Variants in G3BP1 observed in about 807,000 individuals in gnomAD.
G3BP1 encodes the protein G3BP stress granule assembly factor 1, also known as ras GTPase-activating protein-binding protein 1.
A neutral mutation model predicts 58.6 loss-of-function variants in G3BP1; 35 were observed. The ratio of observed to expected loss-of-function variants is 0.60; its 90% CI spans 0.46 to 0.79. The LOEUF (loss-of-function observed/expected upper bound fraction) is 0.79. G3BP1 is among the 30% of genes least tolerant of loss of function. The pLI, the probability that G3BP1 is intolerant of heterozygous loss-of-function variation, is 0.00. For synonymous variants in G3BP1, 191 were observed against 195.4 expected (o/e 0.98, Z 0.19); for missense variants, 523 against 580.8 (o/e 0.90, Z 1.02).
chr5:151,800,683 A>T (rs1020553532), intron 10 of G3BP1, 77 bp from the exon 11 acceptor site: 4 of 847,760 alleles, frequency 4.7e-6, no homozygotes, highest in Non-Finnish European at 8.1e-6. Context: ...TCTAGTGGCT[A>T]CTGTATTGGA....
intron 6 of G3BP1, 38 bp from the exon 7 acceptor site, chr5:151,797,189 G>A: frequency 6.2e-7 from 1 of 1,600,138 alleles, no homozygotes; most frequent in Non-Finnish European, 8.5e-7. Context: ...TGAAATAAAT[G>A]GTGGCAGAAT....
intron 7 of G3BP1, 57 bp downstream of exon 7, chr5:151,797,485 T>C (rs1051898034): frequency 6.6e-7 from 1 of 1,525,420 alleles, no homozygotes; most frequent in Non-Finnish European, 8.9e-7. Flanking sequence ...TAAAAAAAGT[T>C]TCTGTTCTTT....
chr5:151,774,883 G>A (rs191457439), intron 1 of G3BP1, among the ~76,000 whole-genome samples: 5 of 152,214 alleles, frequency 3.3e-5, no homozygotes, highest in African/African-American at 7.2e-5. Context: ...TCACAATGTG[G>A]TGGCACACTA....
chr5:151,787,185 C>G (rs1427467840), intron 2 of G3BP1: 1 of 152,510 alleles, frequency 6.6e-6, no homozygotes, highest in Non-Finnish European at 1.5e-5. Context: ...GAAAGTTAAA[C>G]TAAGTTATCT....
chr5:151,776,089 A>G (rs941893123), intron 1 of G3BP1, among the ~76,000 whole-genome samples: 2 of 152,180 alleles, frequency 1.3e-5, no homozygotes, highest in Non-Finnish European at 2.9e-5. Context: ...AAGATGCCAC[A>G]TTGTATGTAG....
chr5:151,781,696 T>C (rs1364232827), intron 1 of G3BP1, among the ~76,000 whole-genome samples: 1 of 152,226 alleles, frequency 6.6e-6, no homozygotes. Flanking sequence ...GATTTGTCTT[T>C]TAAACAGACA....
Position 151,771,984 on chromosome 5 carries a change from C to G in G3BP1, c.-102C>G, listed in dbSNP as rs772493021. The stretch of plus-strand genomic sequence containing the variant: ...GACGCAGTTGCGTGAGGGGTTTGTA[C>G]TATCCTCGGTGCTGTGGTGCAGAGC... On this transcript the variant is annotated 5_prime_UTR_variant, in exon 1 of 12. Coordinates refer to ENST00000356245, the MANE Select transcript of G3BP1 (RefSeq NM_005754.3). 6.6e-6 allele frequency: 1 copy of G among 152,492 alleles called. No individual in the cohort carries two copies. The highest frequency in any genetic ancestry group is 1.5e-5 in the Non-Finnish European group (1 of 68,258). 9.4% of individuals were successfully genotyped at this position (152,492 alleles called of 1,614,324 possible).
At chr5:151,794,017 C>G (rs1762705413) in intron 4 of G3BP1, 142 bp from the exon 5 acceptor site, 1 of 590,532 alleles carries the variant, frequency 1.7e-6, no homozygotes, top group Admixed American at 2.8e-5. Context: ...TCTCAGAACC[C>G]CACAACAACA....
In G3BP1 at chr5:151,803,877, T is replaced by C. The variant is rs767090499; in HGVS notation, c.1195-8T>C. ...TACTCTTAAGTCTGGTCACCTTGAT[T>C]CTTACAGCCCATCATGTTCAGAGGT... On this transcript the variant is annotated splice_polypyrimidine_tract_variant and splice_region_variant and intron_variant, in intron 11 of 11. Transcript: ENST00000356245. 1.2e-6 allele frequency: 2 copies of C among 1,600,848 alleles called. No individual in the cohort carries two copies. The highest frequency in any genetic ancestry group is 1.7e-6 in the Non-Finnish European group (2 of 1,168,572).
chr5:151,784,541 A>G (rs1453533360), intron 1 of G3BP1, among the ~76,000 whole-genome samples: 3 of 152,178 alleles, frequency 2.0e-5, no homozygotes, highest in Non-Finnish European at 4.4e-5. Flanking sequence ...TTGGGTAAGA[A>G]ATGGTCTCTG....
chr5:151,796,203 A>T (rs1365789889), intron 6 of G3BP1, among the ~76,000 whole-genome samples: 1 of 152,196 alleles, frequency 6.6e-6, no homozygotes, highest in African/African-American at 2.4e-5. Flanking sequence ...GTTGAAAATG[A>T]AGATTCATGG....
chr5:151,795,429 A>G (rs1762733285), intron 5 of G3BP1, 50 bp from the exon 6 acceptor site: 1 of 905,128 alleles, frequency 1.1e-6, no homozygotes, highest in South Asian at 1.4e-5. Flanking sequence ...GTTAATGTAT[A>G]TGTGAATTCA....
Position 151,774,593 on chromosome 5 carries a change from T to C in G3BP1, c.-50+2557T>C, listed in dbSNP as rs555430340. 3.9e-5 allele frequency among the ~76,000 whole-genome samples: 6 copies of C among 152,208 alleles called. No individual in the cohort carries two copies. In the South Asian group the frequency reaches 1.2e-3, roughly 31 times the overall value. ...TAACATTTTGCAAATTGATTTTTTT[T>C]TTAACTTTCAGAATTTAAATAGGCA... On this transcript the variant is annotated intron_variant, in intron 1 of 11. Transcript: ENST00000356245.
At chr5:151,799,408 G>T (rs1480398577) in intron 8 of G3BP1, 95 bp downstream of exon 8, 1 of 725,220 alleles carries the variant, frequency 1.4e-6, no homozygotes, top group Non-Finnish European at 2.5e-6. Flanking sequence ...AACTGGTCAG[G>T]TGCAGTGTGG....
chr5:151,799,810 T>A (rs903683768), intron 8 of G3BP1, 79 bp from the exon 9 acceptor site: 14 of 797,410 alleles, frequency 1.8e-5, no homozygotes, highest in Non-Finnish European at 2.5e-5. Flanking sequence ...AGTTTAAAAC[T>A]TGTTAGCTAA....
intron 4 of G3BP1, 127 bp from the exon 5 acceptor site, chr5:151,794,032 C>CTG (rs1581579589): frequency 1.6e-6 from 1 of 616,718 alleles, no homozygotes; most frequent in Non-Finnish European, 2.9e-6. Context: ...ACAACAAAAA[C>CTG]TGAAATGTCT....
intron 2 of G3BP1, among the ~76,000 whole-genome samples, chr5:151,788,606 G>GTGTA (rs1762594009): frequency 6.7e-6 from 1 of 149,670 alleles, no homozygotes; most frequent in Non-Finnish European, 1.5e-5. Flanking sequence ...GTGTGTGTGT[G>GTGTA]TGTGTGTATT....
In G3BP1 at chr5:151,783,648, C is replaced by T. The variant is rs889149311; in HGVS notation, c.-49-2924C>T. On this transcript the variant is annotated intron_variant, in intron 1 of 11. Transcript: ENST00000356245. ...TCAAGTGATCTGTCCCTGTTGGCCT[C>T]CCAAAGTGCTGGGATTACAGGCGCC... Among the ~76,000 whole-genome samples, 4 of 152,150 alleles carry T rather than the reference C, an allele frequency of 2.6e-5. No homozygotes were observed. In the South Asian group the frequency reaches 6.2e-4, roughly 24 times the overall value.
intron 8 of G3BP1, among the ~76,000 whole-genome samples, chr5:151,799,684 C>CAA (rs534014241): frequency 8.0e-6 from 1 of 125,652 alleles, no homozygotes; most frequent in African/African-American, 2.9e-5. Context: ...GACTCTGGCT[C>CAA]AAAAAAAAAA....
Sources: gnomAD v4.1 joint callset for allele counts (sites outside exome capture counted in the v4.1 genomes callset) on GRCh38, gnomAD v4.1.1 for gene constraint, MANE v1.5 for transcripts, NCBI Gene and HGNC (gene_info 2026-07-23, HGNC 2026-07-21) for gene names.